NLGN1: variants seen among roughly 807,000 people sequenced by gnomAD.
NLGN1 encodes neuroligin 1, also known as neuroligin-1.
In NLGN1, 12 loss-of-function variants were observed where a neutral mutation model predicts 65.5. The ratio of observed to expected loss-of-function variants is 0.18; its 90% CI spans 0.12 to 0.30. The LOEUF (loss-of-function observed/expected upper bound fraction) is 0.30. Among genes scored for constraint, NLGN1 ranks in the 10% least tolerant of loss-of-function variants. The pLI, the probability that NLGN1 is intolerant of heterozygous loss-of-function variation, is 1.00. For synonymous variants in NLGN1, 350 were observed against 359.5 expected, an observed-to-expected ratio of 0.97 and a Z score of 0.30; for missense variants, 750 against 1,007.1, an observed-to-expected ratio of 0.74 and a Z score of 3.46.
intron 4 of NLGN1, among the ~76,000 whole-genome samples, chr3:174,068,096 T>C (rs983702164): frequency 6.6e-6 from 1 of 152,034 alleles, no homozygotes; most frequent in African/African-American, 2.4e-5. Flanking sequence ...CTACTGGAAA[T>C]TGGCATTTTA....
At chr3:173,867,790 C>T (rs2150847323) in intron 4 of NLGN1, among the ~76,000 whole-genome samples, 1 of 152,054 alleles carries the variant, frequency 6.6e-6, no homozygotes, top group Non-Finnish European at 1.5e-5. Context: ...GTAAGAGGAG[C>T]ATGTGATAGG....
chr3:174,133,025 C>G (rs147058754), intron 4 of NLGN1, among the ~76,000 whole-genome samples: 92 of 152,282 alleles, frequency 6.0e-4, no homozygotes, highest in African/African-American at 2.2e-3. Context: ...AACCTACTGC[C>G]AGTAAACTAA....
chr3:174,039,449 G>A (rs1317501437), intron 4 of NLGN1, among the ~76,000 whole-genome samples: 1 of 151,902 alleles, frequency 6.6e-6, no homozygotes, highest in East Asian at 1.9e-4. Flanking sequence ...ACAGGCCCCA[G>A]TGTGTGAAGT....
chr3:173,877,819 C>G (rs1271782006), intron 4 of NLGN1, among the ~76,000 whole-genome samples: 1 of 152,110 alleles, frequency 6.6e-6, no homozygotes, highest in African/African-American at 2.4e-5. Flanking sequence ...CATATATTGA[C>G]TTATATAATT....
chr3:174,051,814 A>G (rs1734949015), intron 4 of NLGN1, among the ~76,000 whole-genome samples: 1 of 151,962 alleles, frequency 6.6e-6, no homozygotes, highest in African/African-American at 2.4e-5. Context: ...CAGAAGAGAA[A>G]AGTATATCCC....
intron 1 of NLGN1, among the ~76,000 whole-genome samples, chr3:173,405,959 A>G (rs937620552): frequency 6.6e-6 from 1 of 152,188 alleles, no homozygotes; most frequent in Non-Finnish European, 1.5e-5. Flanking sequence ...AGTTAGTATG[A>G]TATAAATACA....
intron 4 of NLGN1, among the ~76,000 whole-genome samples, chr3:174,086,194 TGTGTGTGTGTGC>T (rs1247000167): frequency 6.6e-6 from 1 of 151,356 alleles, no homozygotes; most frequent in African/African-American, 2.4e-5. Context: ...TGTGTGTGTG[TGTGTGTGTGTGC>T]GTGTGTGTGT....
At chr3:173,438,365 A>C (rs1214363294) in intron 2 of NLGN1, among the ~76,000 whole-genome samples, 2 of 152,160 alleles carry the variant, frequency 1.3e-5, no homozygotes, top group African/African-American at 4.8e-5. Flanking sequence ...TGAGCCTTAT[A>C]CATATCGTCT....
At chr3:173,494,346 T>A (rs1173970961) in intron 2 of NLGN1, among the ~76,000 whole-genome samples, 3 of 151,706 alleles carry the variant, frequency 2.0e-5, no homozygotes, top group East Asian at 1.9e-4. Context: ...GTGAAATGTT[T>A]TTTTTTCTTT....
chr3:174,092,561 T>G (rs777538414), intron 4 of NLGN1, among the ~76,000 whole-genome samples: 4 of 152,286 alleles, frequency 2.6e-5, no homozygotes, highest in Admixed American at 2.0e-4. Context: ...GGCATTCTGT[T>G]TTCTATTTTT....
At chr3:173,554,821 A>G (rs1741452823) in intron 2 of NLGN1, among the ~76,000 whole-genome samples, 2 of 152,156 alleles carry the variant, frequency 1.3e-5, no homozygotes, top group Admixed American at 1.3e-4. Context: ...TGTTTTTCAT[A>G]ATAATTTTAG....
intron 4 of NLGN1, among the ~76,000 whole-genome samples, chr3:173,859,755 A>T (rs895173811): frequency 2.9e-4 from 44 of 152,220 alleles, no homozygotes; most frequent in African/African-American, 1.0e-3. Flanking sequence ...AATTTGTTTT[A>T]TAAATTTGAA....
At chr3:173,419,020 CTTTTTTTTTTTTTTTTTTT>C (rs59051811) in intron 1 of NLGN1, among the ~76,000 whole-genome samples, 7 of 12,262 alleles carry the variant, frequency 5.7e-4, no homozygotes, top group South Asian at 5.5e-3. Flanking sequence ...TCTTCTTCTT[CTTTTTTTTTTTTTTTTTTT>C]TTTTTTTTTT....
chr3:173,576,918 A>G (rs1745587494), intron 2 of NLGN1, among the ~76,000 whole-genome samples: 1 of 152,290 alleles, frequency 6.6e-6, no homozygotes, highest in Admixed American at 6.5e-5. Context: ...GATCAACGAA[A>G]CGGTAATACC....
intron 2 of NLGN1, among the ~76,000 whole-genome samples, chr3:173,584,051 C>T (rs1746840904): frequency 6.7e-6 from 1 of 149,210 alleles, no homozygotes; most frequent in African/African-American, 2.5e-5. Context: ...TACTAACTGC[C>T]ATTGGGGAAA....
In NLGN1 at chr3:173,754,923, A is replaced by C. The variant is rs574536993; in HGVS notation, c.494-52757A>C. ...AACAATTCCAGTATTTGTCACCTTC[A>C]ATCACTCATCACAGAGTTTACCATG... On this transcript the variant is annotated intron_variant, in intron 3 of 6. Coordinates refer to ENST00000457714, the Ensembl canonical transcript of NLGN1. Among the ~76,000 whole-genome samples, 14 of 152,222 alleles carry C rather than the reference A, an allele frequency of 9.2e-5. 1 individual carries two copies. The East Asian group carries it at 2.7e-3, about 29-fold the overall frequency.
At chr3:173,763,010 A>T (rs533926780) in intron 3 of NLGN1, among the ~76,000 whole-genome samples, 1 of 151,120 alleles carries the variant, frequency 6.6e-6, no homozygotes, top group African/African-American at 2.4e-5. Flanking sequence ...AGAATCTTTG[A>T]CAGTCATGAG....
chr3:173,637,941 G>A (rs1300389955), intron 3 of NLGN1, among the ~76,000 whole-genome samples: 1 of 152,028 alleles, frequency 6.6e-6, no homozygotes, highest in Non-Finnish European at 1.5e-5. Context: ...CTTATCTTTC[G>A]ACATTTGGAA....
intron 2 of NLGN1, among the ~76,000 whole-genome samples, chr3:173,447,068 A>G (rs1040953083): frequency 6.6e-6 from 1 of 152,144 alleles, no homozygotes; most frequent in African/African-American, 2.4e-5. Flanking sequence ...CTTTAGTTGA[A>G]TTAGAACCCA....
Sources: allele counts gnomAD v4.1 joint callset (sites outside exome capture counted in the v4.1 genomes callset), GRCh38; gene constraint gnomAD v4.1.1; transcripts MANE v1.5; gene names NCBI Gene and HGNC (gene_info 2026-07-23, HGNC 2026-07-21).